Variants in GRAMD1C observed in about 807,000 individuals in gnomAD.
GRAMD1C encodes protein Aster-C.
In GRAMD1C, 89 loss-of-function variants were observed where a neutral mutation model predicts 97.8. The ratio of observed to expected loss-of-function variants is 0.91; its 90% CI spans 0.77 to 1.09. The LOEUF (loss-of-function observed/expected upper bound fraction) is 1.09, where lower values mean the gene tolerates loss of function less well. Among genes scored for constraint, GRAMD1C ranks in the 50% least tolerant of loss-of-function variants. GRAMD1C has a pLI of 0.00. For synonymous variants in GRAMD1C, 256 were observed against 267.0 expected (o/e 0.96, Z 0.40); for missense variants, 740 against 766.4 (o/e 0.97, Z 0.41).
intron 8 of GRAMD1C, among the ~76,000 whole-genome samples, chr3:113,906,292 TATC>T (rs1407668376): frequency 6.6e-6 from 1 of 152,188 alleles, no homozygotes; most frequent in East Asian, 1.9e-4. Flanking sequence ...AAAATATTGT[TATC>T]ATAGGAGATG....
chr3:113,942,577 AG>A (rs1262809927), intron 17 of GRAMD1C, among the ~76,000 whole-genome samples: 1 of 152,102 alleles, frequency 6.6e-6, no homozygotes, highest in Non-Finnish European at 1.5e-5. Flanking sequence ...GCAGCGTTTT[AG>A]GAGCTGAGCG....
chr3:113,889,931 C>T (rs1483369214), intron 6 of GRAMD1C, among the ~76,000 whole-genome samples: 2 of 152,178 alleles, frequency 1.3e-5, no homozygotes, highest in Non-Finnish European at 2.9e-5. Context: ...AGCCTCCACC[C>T]AGACAAGAAA....
chr3:113,850,689 G>A (rs1405268738), intron 2 of GRAMD1C: 1 of 1,590,706 alleles, frequency 6.3e-7, no homozygotes, highest in Non-Finnish European at 8.6e-7. Flanking sequence ...TCCTTAAAAA[G>A]GAGTTCATAA....
upstream of GRAMD1C, among the ~76,000 whole-genome samples, chr3:113,837,361 T>C (rs113977932): frequency 0.018 from 2,675 of 152,226 alleles, 76 homozygotes; most frequent in African/African-American, 0.059. Flanking sequence ...ATTTATTTTG[T>C]GAAGGTTAAG....
chr3:113,940,299 A>T lies in GRAMD1C; in HGVS notation c.1862A>T (p.His621Leu). 1 of 1,611,428 alleles carries T rather than the reference A, an allele frequency of 6.2e-7. No individual in the cohort carries two copies. Among genetic ancestry groups the T allele is most frequent in the Non-Finnish European group, 8.5e-7 (1 of 1,177,494 alleles). ...ATTCAGAAGAATAAAGATCAGGCCC[A>T]TCGTTTAAAGGGAGTGCTCCGAGAC... ...ETIQKNKDQA[H>L]RLKGVLRDSI... Residue 621 changes from histidine to leucine, a missense_variant, in exon 17 of 18, where the codon CAT (histidine) becomes CTT (leucine). Transcript: ENST00000358160.
rs540886643 is a variant in GRAMD1C at position 113,855,170 on chromosome 3, G to C, written c.174+10521G>C. 9.2e-5 allele frequency among the ~76,000 whole-genome samples: 14 copies of C among 152,278 alleles called. No homozygotes were observed. In the East Asian group the frequency reaches 2.7e-3, roughly 29 times the overall value. On this transcript the variant is annotated intron_variant, in intron 2 of 17. Transcript: ENST00000358160. ...CTACTAGAAGTACAAAATCAGCTGG[G>C]CATGGTGGCGCATGCCTGTAATCCC...
At chr3:113,917,856 CT>C (rs71144097) in intron 10 of GRAMD1C, among the ~76,000 whole-genome samples, 1,251 of 41,442 alleles carry the variant, frequency 0.03, 11 homozygotes, top group African/African-American at 0.077. Context: ...CCATGCTTGG[CT>C]TTTTTTTTTT....
At chr3:113,875,358 T>C (rs1218284085) in intron 3 of GRAMD1C, 126 bp from the exon 4 acceptor site, 2 of 597,220 alleles carry the variant, frequency 3.3e-6, no homozygotes, top group African/African-American at 1.8e-5. Flanking sequence ...CCAAAGTAGA[T>C]GAAGGAATGA....
chr3:113,923,245 G>A (rs1453380826), intron 10 of GRAMD1C, among the ~76,000 whole-genome samples: 1 of 151,852 alleles, frequency 6.6e-6, no homozygotes, highest in African/African-American at 2.4e-5. Flanking sequence ...TTTCCTGTTT[G>A]GATGCCTTTT....
chr3:113,910,342 C>G (rs2107329167), intron 9 of GRAMD1C, among the ~76,000 whole-genome samples: 1 of 152,296 alleles, frequency 6.6e-6, no homozygotes, highest in South Asian at 2.1e-4. Context: ...TAGATCACGC[C>G]ACTGCACTCC....
At chr3:113,924,639 A>G (rs2107355104) in intron 10 of GRAMD1C, among the ~76,000 whole-genome samples, 1 of 152,212 alleles carries the variant, frequency 6.6e-6, no homozygotes, top group East Asian at 1.9e-4. Flanking sequence ...AGTGTGGTTA[A>G]TATAATTTTG....
At chr3:113,900,287 A>G (rs897355430) in intron 6 of GRAMD1C, among the ~76,000 whole-genome samples, 3 of 151,252 alleles carry the variant, frequency 2.0e-5, no homozygotes, top group African/African-American at 7.3e-5. Flanking sequence ...TGAACCTGGG[A>G]GGTGAAGGTT....
At chr3:113,866,341 A>T (rs1376415658) in intron 2 of GRAMD1C, among the ~76,000 whole-genome samples, 1 of 152,242 alleles carries the variant, frequency 6.6e-6, no homozygotes, top group Non-Finnish European at 1.5e-5. Flanking sequence ...TCAGCTAAAA[A>T]GTAATAGAGC....
intron 6 of GRAMD1C, among the ~76,000 whole-genome samples, chr3:113,895,679 T>G (rs983852173): frequency 6.6e-6 from 1 of 152,234 alleles, no homozygotes; most frequent in Non-Finnish European, 1.5e-5. Flanking sequence ...TAGAAGTGTT[T>G]GTATTATATA....
At position 113,947,019 on chromosome 3, in the gene GRAMD1C, T is replaced by G. The variant is rs1011729371; in HGVS notation, c.*1541T>G. ...TCGACAAACAATATTTTTGTGATGTTTATTTAAACGTTGTATTTTATAACA... is the reference window on the plus strand; with the variant it reads ...TCGACAAACAATATTTTTGTGATGTGTATTTAAACGTTGTATTTTATAACA... On this transcript the variant is annotated 3_prime_UTR_variant, in exon 18 of 18. Coordinates refer to ENST00000358160, the MANE Select transcript of GRAMD1C (RefSeq NM_017577.5). 2.6e-5 allele frequency: 4 copies of G among 151,374 alleles called. No individual in the cohort carries two copies. Among genetic ancestry groups the G allele is most frequent in the African/African-American group, 9.6e-5 (4 of 41,466 alleles). The allele number at this position is 151,374 out of a possible 1,614,324, so 9.4% of individuals were successfully genotyped here.
intron 3 of GRAMD1C, among the ~76,000 whole-genome samples, chr3:113,870,843 G>A (rs1370377750): frequency 6.7e-6 from 1 of 149,228 alleles, no homozygotes; most frequent in Non-Finnish European, 1.5e-5. Flanking sequence ...TTGGCTGGGT[G>A]CAGTGGCTGA....
intron 5 of GRAMD1C, among the ~76,000 whole-genome samples, chr3:113,880,589 C>G (rs888988680): frequency 2.0e-5 from 3 of 152,110 alleles, no homozygotes; most frequent in African/African-American, 7.2e-5. Context: ...CTGCAGTGAA[C>G]AGCCTGACCA....
At position 113,844,407 on chromosome 3, in the gene GRAMD1C, T is replaced by G. The variant is rs1933515749; in HGVS notation, c.28-96T>G. On this transcript the variant is annotated intron_variant, in intron 1 of 17. Coordinates refer to ENST00000358160, the MANE Select transcript of GRAMD1C (RefSeq NM_017577.5). The stretch of plus-strand genomic sequence containing the variant: ...TTCTAAACATTTAAATATTGCCCTT[T>G]TAAAATTAATGTATATGTTGTGAAC... 6.3e-6 allele frequency: 5 copies of G among 796,078 alleles called. No homozygotes were observed. The South Asian group carries it at 6.7e-5, about 11-fold the overall frequency. 49.3% of individuals were successfully genotyped at this position (796,078 alleles called of 1,614,324 possible).
chr3:113,852,566 A>G (rs1327337005), intron 2 of GRAMD1C, among the ~76,000 whole-genome samples: 1 of 152,146 alleles, frequency 6.6e-6, no homozygotes, highest in East Asian at 1.9e-4. Context: ...TTTTTTAATA[A>G]TGAATGTCTT....
Sources: allele counts gnomAD v4.1 joint callset (sites outside exome capture counted in the v4.1 genomes callset), GRCh38; gene constraint gnomAD v4.1.1; transcripts MANE v1.5; gene names NCBI Gene and HGNC (gene_info 2026-07-23, HGNC 2026-07-21).